EFHB: variants seen among roughly 807,000 people sequenced by gnomAD.
EFHB encodes the protein EF-hand domain-containing family member B.
In EFHB, 91 loss-of-function variants were observed where a neutral mutation model predicts 87.2. That is an observed-to-expected ratio of 1.04 (90% CI 0.88 to 1.24). The LOEUF (loss-of-function observed/expected upper bound fraction) is 1.24, where lower values mean the gene tolerates loss of function less well. Among genes scored for constraint, EFHB ranks in the 50% most tolerant of loss-of-function variants. The pLI, the probability that EFHB is intolerant of heterozygous loss-of-function variation, is 0.00. For synonymous variants in EFHB, 325 were observed against 333.6 expected, an observed-to-expected ratio of 0.97 and a Z score of 0.28; for missense variants, 1,084 against 998.8, an observed-to-expected ratio of 1.09 and a Z score of -1.15.
chr3:19,933,217 GAA>G lies in EFHB; in HGVS notation c.789+11_789+12del, dbSNP rs750755623. The G allele has an allele frequency of 8.7e-6, 14 of 1,606,334 alleles. No homozygotes were observed. In the East Asian group the frequency reaches 2.9e-4, roughly 33 times the overall value. ...CACAGTTTAGTTCCTATGGAAAGTG[GAA>G]AAAAACTTACACTTGGCCAGCAAGG... On this transcript the variant is annotated intron_variant, in intron 1 of 12. Transcript: ENST00000295824.
Position 19,919,880 on chromosome 3 carries a change from T to C in EFHB, c.949A>G (p.Ile317Val). 1.9e-6 allele frequency: 3 copies of C among 1,613,698 alleles called. No homozygotes were observed. Among genetic ancestry groups the C allele is most frequent in the South Asian group, 1.1e-5 (1 of 91,078 alleles). Residue 317 changes from isoleucine to valine, a missense_variant, in exon 3 of 13, where the codon ATT becomes GTT. Ile to Val is a conservative substitution (Grantham distance 29). Coordinates refer to ENST00000295824, the MANE Select transcript of EFHB (RefSeq NM_144715.4). ...ATTCCATGTGTCAAATAAGGTGCAATCTGGGGATCATTTGCTCTTCCGTAA... is the reference window on the plus strand; with the variant it reads ...ATTCCATGTGTCAAATAAGGTGCAACCTGGGGATCATTTGCTCTTCCGTAA... ...VFYGRANDPQ[I>V]APYLTHGIRS...
chr3:19,939,372 T>C (rs1458290446), intron 1 of EFHB, among the ~76,000 whole-genome samples: 2 of 65,686 alleles, frequency 3.0e-5, no homozygotes, highest in African/African-American at 1.4e-4. Flanking sequence ...TGGGTCTCCT[T>C]TTTTTTTTTT....
chr3:19,932,694 T>C (rs1450555524), intron 1 of EFHB, among the ~76,000 whole-genome samples: 1 of 152,254 alleles, frequency 6.6e-6, no homozygotes, highest in Non-Finnish European at 1.5e-5. Context: ...TGTGTTTTTA[T>C]AAATTTAGAT....
intron 1 of EFHB, chr3:19,940,625 G>A: frequency 2.3e-6 from 1 of 426,420 alleles, no homozygotes; most frequent in Non-Finnish European, 4.7e-6. Context: ...TCAGCCTCCT[G>A]GACCACACAT....
At chr3:19,896,904 T>TA (rs1694507837) in intron 8 of EFHB, 63 bp from the exon 9 acceptor site, 1 of 1,423,366 alleles carries the variant, frequency 7.0e-7, no homozygotes, top group Non-Finnish European at 9.3e-7. Flanking sequence ...TTTCTATCTT[T>TA]TAAAAAAAGT....
At chr3:19,913,717 A>C (rs1695135493) in intron 5 of EFHB, among the ~76,000 whole-genome samples, 1 of 152,228 alleles carries the variant, frequency 6.6e-6, no homozygotes, top group Non-Finnish European at 1.5e-5. Flanking sequence ...ATGAAACCAC[A>C]AAATACCCAG....
At chr3:19,941,118 G>T (rs1443214363) in intron 1 of EFHB, 1 of 378,850 alleles carries the variant, frequency 2.6e-6, no homozygotes, top group South Asian at 3.8e-5. Context: ...CTTTTCCATT[G>T]AAAAAGTCTT....
Position 19,924,059 on chromosome 3 carries a change from T to G in EFHB, c.790-3492A>C, listed in dbSNP as rs961835055. Among the ~76,000 whole-genome samples, 8 of 152,112 alleles carry G rather than the reference T, an allele frequency of 5.3e-5. 1 individual carries two copies. The South Asian group carries it at 1.7e-3, about 31-fold the overall frequency. On this transcript the variant is annotated intron_variant, in intron 1 of 12. Transcript: ENST00000295824. ...CAGCCTGGGCAACAAAGTGAGACCC[T>G]TATCTCTTTAAAAAAATAATAATAA...
intron 1 of EFHB, among the ~76,000 whole-genome samples, chr3:19,931,694 A>T (rs560565044): frequency 2.2e-4 from 33 of 152,314 alleles, no homozygotes; most frequent in African/African-American, 7.9e-4. Flanking sequence ...CCAATGTCTC[A>T]GACTTACTTT....
intron 5 of EFHB, among the ~76,000 whole-genome samples, chr3:19,907,010 G>C (rs1243521346): frequency 1.3e-5 from 2 of 150,048 alleles, no homozygotes; most frequent in Admixed American, 6.6e-5. Context: ...ATTTCCACAT[G>C]CAACACCATA....
intron 4 of EFHB, 90 bp from the exon 5 acceptor site, chr3:19,915,503 G>A (rs62279138): frequency 0.22 from 169,502 of 772,528 alleles, 21,844 homozygotes; most frequent in Non-Finnish European, 0.27. Flanking sequence ...GAGAAATTAG[G>A]TATGCTGGAT....
upstream of EFHB, chr3:19,936,188 G>A (rs972883305): frequency 1.7e-5 from 20 of 1,169,050 alleles, no homozygotes; most frequent in African/African-American, 7.6e-5. Context: ...ATTGCTTAAC[G>A]CCAAGAATTC....
intron 1 of EFHB, among the ~76,000 whole-genome samples, chr3:19,930,756 C>CAGG (rs1695800876): frequency 2.0e-5 from 3 of 152,146 alleles, no homozygotes; most frequent in African/African-American, 7.2e-5. Context: ...GCACATACTA[C>CAGG]CACACCTGGC....
At chr3:19,884,338 C>G in intron 11 of EFHB, 65 bp downstream of exon 11, 1 of 1,430,648 alleles carries the variant, frequency 7.0e-7, no homozygotes, top group Non-Finnish European at 9.6e-7. Context: ...AGGCAGGGGA[C>G]AATGCAAGGA....
At chr3:19,906,885 TGG>T (rs1200374393) in intron 5 of EFHB, among the ~76,000 whole-genome samples, 1 of 151,996 alleles carries the variant, frequency 6.6e-6, no homozygotes, top group Non-Finnish European at 1.5e-5. Flanking sequence ...TGGAACAGAA[TGG>T]AGAGCCCAGA....
intron 5 of EFHB, among the ~76,000 whole-genome samples, chr3:19,908,748 TTAG>T (rs1288562801): frequency 6.6e-6 from 1 of 152,070 alleles, no homozygotes; most frequent in Non-Finnish European, 1.5e-5. Flanking sequence ...ATCTATCACT[TTAG>T]TAATGATTAA....
In EFHB at chr3:19,879,707, A is replaced by T. The variant is rs2071624665; in HGVS notation, c.2426T>A (p.Val809Asp). Residue 809 changes from valine (V) to aspartate (D), a missense_variant, in exon 13 of 13, where the codon GTT (valine) becomes GAT (aspartate). Physicochemically the swap from Val to Asp is radical, Grantham distance 152. Transcript: ENST00000295824. ...LASKKHHRGE[V>D]CVENIRNVLD... ...AACATTTCTGATGTTCTCAACACAA[A>T]CTTCTCCTCTGTGATGCTTTTTTGA... The T allele has an allele frequency of 6.2e-7, 1 of 1,610,406 alleles. No homozygotes were observed. Among genetic ancestry groups the T allele is most frequent in the South Asian group, 1.1e-5 (1 of 90,388 alleles).
At chr3:19,908,797 AT>A (rs1258556697) in intron 5 of EFHB, among the ~76,000 whole-genome samples, 7 of 152,106 alleles carry the variant, frequency 4.6e-5, no homozygotes, top group Non-Finnish European at 8.8e-5. Context: ...TGTATTTTAA[AT>A]GTTGTAGGTC....
chr3:19,882,875 TTAG>T (rs2071715712), intron 11 of EFHB, 144 bp from the exon 12 acceptor site: 1 of 600,950 alleles, frequency 1.7e-6, no homozygotes, highest in Non-Finnish European at 2.4e-6. Context: ...TTCAAACATT[TTAG>T]TAAAAAAAGG....
Sources: allele counts gnomAD v4.1 joint callset (sites outside exome capture counted in the v4.1 genomes callset), GRCh38; gene constraint gnomAD v4.1.1; transcripts MANE v1.5; gene names NCBI Gene and HGNC (gene_info 2026-07-23, HGNC 2026-07-21).